CHL1: variants seen among roughly 807,000 people sequenced by gnomAD.
The protein encoded by CHL1 is neural cell adhesion molecule L1-like protein.
In CHL1, 96 loss-of-function variants were observed where a neutral mutation model predicts 141.9. That is an observed-to-expected ratio of 0.68 (90% confidence interval 0.57 to 0.80). The LOEUF is 0.80. CHL1 is among the 30% of genes least tolerant of loss of function. The pLI, the probability that CHL1 is intolerant of heterozygous loss-of-function variation, is 0.00. For missense variants in CHL1, 1,820 were observed against 1,457.2 expected, an observed-to-expected ratio of 1.25 and a Z score of -4.05; for synonymous variants, 613 against 502.2, an observed-to-expected ratio of 1.22 and a Z score of -2.95.
intron 2 of CHL1, among the ~76,000 whole-genome samples, chr3:276,696 T>G (rs571504087): frequency 1.3e-5 from 2 of 152,018 alleles, no homozygotes; most frequent in South Asian, 4.2e-4. Context: ...GAGACCGTCC[T>G]GGCTAACAGG....
chr3:378,637 C>T (rs138030269), intron 16 of CHL1, among the ~76,000 whole-genome samples: 1 of 152,288 alleles, frequency 6.6e-6, no homozygotes, highest in East Asian at 1.9e-4. Context: ...ATCAGCAAAC[C>T]ACTTTCCTTC....
intron 1 of CHL1, among the ~76,000 whole-genome samples, chr3:242,439 A>C (rs1404080395): frequency 1.5e-5 from 2 of 135,816 alleles, no homozygotes; most frequent in East Asian, 2.2e-4. Flanking sequence ...TACTAAAAAT[A>C]CAAAAAATTA....
intron 2 of CHL1, among the ~76,000 whole-genome samples, chr3:277,666 G>A (rs534487464): frequency 1.1e-4 from 17 of 152,246 alleles, no homozygotes; most frequent in African/African-American, 2.9e-4. Flanking sequence ...TTTATATTGC[G>A]AATTCAAGGA....
rs1004105158 is a variant in CHL1 at position 339,272 on chromosome 3, A to G, written c.386-1522A>G. On this transcript the variant is annotated intron_variant, in intron 5 of 27. Coordinates refer to ENST00000256509, the MANE Select transcript of CHL1 (RefSeq NM_006614.4). ...TGTCTATAAGGTGTACTTTCTGCAA[A>G]ATGTTTTCCATAGCATTTGATGTCA... 1.3e-5 allele frequency among the ~76,000 whole-genome samples: 2 copies of G among 152,192 alleles called. 1 individual carries two copies. Among genetic ancestry groups the G allele is most frequent in the Non-Finnish European group, 2.9e-5 (2 of 68,034 alleles).
intron 25 of CHL1, 82 bp from the exon 26 acceptor site, chr3:398,935 T>C (rs1313475319): frequency 2.3e-6 from 3 of 1,329,922 alleles, no homozygotes; most frequent in African/African-American, 2.9e-5. Flanking sequence ...TGTTTAAAAA[T>C]GATGTCTAAT....
intron 1 of CHL1, among the ~76,000 whole-genome samples, chr3:239,893 G>C: frequency 6.6e-6 from 1 of 152,086 alleles, no homozygotes; most frequent in Non-Finnish European, 1.5e-5. Context: ...ATCGTCTCCA[G>C]CTCCATCCAG....
intron 1 of CHL1, among the ~76,000 whole-genome samples, chr3:234,041 C>G (rs558913373): frequency 2.0e-5 from 3 of 151,888 alleles, no homozygotes; most frequent in Admixed American, 2.0e-4. Flanking sequence ...ATCATTTTTA[C>G]GTATGTAATG....
chr3:317,032 T>C (rs906746572), intron 2 of CHL1, among the ~76,000 whole-genome samples: 1 of 152,068 alleles, frequency 6.6e-6, no homozygotes, highest in Non-Finnish European at 1.5e-5. Context: ...ATTTTGGAGC[T>C]TTCATCGTCA....
Position 394,760 on chromosome 3 carries a change from G to T in CHL1, c.2982G>T (p.Trp994Cys). The T allele has an allele frequency of 6.2e-7, 1 of 1,613,700 alleles. No individual in the cohort carries two copies. ...INITTPSKPSWHLSNLNATTK... is the reference protein window; with the variant it reads ...INITTPSKPSCHLSNLNATTK... ...TTACAACTCCATCAAAGCCCAGCTG[G>T]CACCTCTCAAACCTGAATGCAACTA... Residue 994 changes from tryptophan (W) to cysteine (C), a missense_variant, in exon 24 of 28, where the codon TGG (tryptophan) becomes TGT (cysteine). By Grantham distance (215) the Trp-to-Cys change is radical. Coordinates refer to ENST00000256509, the MANE Select transcript of CHL1 (RefSeq NM_006614.4).
At chr3:224,152 A>T (rs1364052540) in intron 1 of CHL1, among the ~76,000 whole-genome samples, 1 of 152,038 alleles carries the variant, frequency 6.6e-6, no homozygotes, top group Admixed American at 6.5e-5. Context: ...GCCTTTTATT[A>T]CTTTTACAAA....
chr3:197,773 G>T (rs919805079), intron 1 of CHL1: 1 of 455,960 alleles, frequency 2.2e-6, no homozygotes, highest in South Asian at 1.6e-5. Context: ...CGCGCCGGGG[G>T]CCGTGGTTGC....
At chr3:243,004 A>G (rs1245786858) in intron 1 of CHL1, among the ~76,000 whole-genome samples, 2 of 152,170 alleles carry the variant, frequency 1.3e-5, no homozygotes, top group African/African-American at 2.4e-5. Context: ...TGGCTTCATG[A>G]CATGATGGAT....
At chr3:250,915 G>T (rs1343408891) in intron 2 of CHL1, among the ~76,000 whole-genome samples, 2 of 152,112 alleles carry the variant, frequency 1.3e-5, no homozygotes, top group African/African-American at 2.4e-5. Flanking sequence ...TTTATTCAAC[G>T]ATTGTTTTTG....
Position 342,028 on chromosome 3 carries a change from C to A in CHL1, c.625C>A (p.Pro209Thr). ...TGACTACTGTTGCTTTGCTGCATTTCCAAGATTAAGGACTATTGTACAGAA... is the reference window on the plus strand; with the variant it reads ...TGACTACTGTTGCTTTGCTGCATTTACAAGATTAAGGACTATTGTACAGAA... Reference protein sequence around the residue: ...RNDYCCFAAFPRLRTIVQKMP... With the variant: ...RNDYCCFAAFTRLRTIVQKMP... Residue 209 changes from proline (P) to threonine (T), a missense_variant, in exon 7 of 28, where the codon CCA (proline) becomes ACA (threonine). Pro to Thr is a conservative substitution (Grantham distance 38, BLOSUM62 -1). Coordinates refer to ENST00000256509, the MANE Select transcript of CHL1 (RefSeq NM_006614.4). The A allele has an allele frequency of 1.2e-6, 2 of 1,613,510 alleles. No individual in the cohort carries two copies. Among genetic ancestry groups the A allele is most frequent in the African/African-American group, 1.3e-5 (1 of 75,014 alleles).
chr3:358,344 G>A (rs1471161349), intron 11 of CHL1, among the ~76,000 whole-genome samples: 1 of 152,066 alleles, frequency 6.6e-6, no homozygotes, highest in Non-Finnish European at 1.5e-5. Context: ...CATAGCCAAG[G>A]AGGGCCTTCT....
intron 3 of CHL1, among the ~76,000 whole-genome samples, chr3:324,440 T>C (rs375433079): frequency 2.6e-5 from 4 of 152,066 alleles, no homozygotes; most frequent in East Asian, 3.9e-4. Flanking sequence ...TTGAAAAATA[T>C]TGAGTGCTCA....
At chr3:243,585 C>T (rs888783756) in intron 1 of CHL1, among the ~76,000 whole-genome samples, 2 of 152,156 alleles carry the variant, frequency 1.3e-5, no homozygotes, top group African/African-American at 4.8e-5. Flanking sequence ...TGGAATTCTT[C>T]TCAGTGTATT....
At chr3:344,731 C>T (rs368207563) in intron 9 of CHL1, 22 bp downstream of exon 9, 51 of 1,611,364 alleles carry the variant, frequency 3.2e-5, no homozygotes, top group Non-Finnish European at 4.2e-5. Context: ...GACTCTCACT[C>T]ATGACTTTGT....
At chr3:404,670 G>A (rs1709392512) in intron 27 of CHL1, among the ~76,000 whole-genome samples, 1 of 152,134 alleles carries the variant, frequency 6.6e-6, no homozygotes. Flanking sequence ...TTCAAAAACA[G>A]AATGTGATTG....
Sources: gnomAD v4.1 joint callset for allele counts (sites outside exome capture counted in the v4.1 genomes callset) on GRCh38, gnomAD v4.1.1 for gene constraint, MANE v1.5 for transcripts, NCBI Gene and HGNC (gene_info 2026-07-23, HGNC 2026-07-21) for gene names.